SYT1: variants seen among roughly 807,000 people sequenced by gnomAD.
SYT1 encodes the protein synaptotagmin-1.
SYT1 carries 8 observed loss-of-function variants against 44.8 expected under a neutral mutation model. The observed-to-expected ratio is 0.18, with a 90% CI of 0.10 to 0.32. The LOEUF (loss-of-function observed/expected upper bound fraction) is 0.32. Ranked by LOEUF, SYT1 falls within the 10% of genes least tolerant of loss-of-function variation. The probability of loss-of-function intolerance (pLI) is 1.00; values close to 1 mark genes in which losing one functional copy is unlikely to be tolerated. For synonymous variants in SYT1, 154 were observed against 188.8 expected, an observed-to-expected ratio of 0.82 and a Z score of 1.51; for missense variants, 286 against 509.3, an observed-to-expected ratio of 0.56 and a Z score of 4.22.
chr12:79,293,478 T>C (rs1879736274), intron 6 of SYT1, among the ~76,000 whole-genome samples: 1 of 152,128 alleles, frequency 6.6e-6, no homozygotes, highest in South Asian at 2.1e-4. Flanking sequence ...TTCATTTTGC[T>C]TCTCTCATCT....
chr12:79,324,837 A>G (rs1194411423), intron 8 of SYT1, among the ~76,000 whole-genome samples: 1 of 152,236 alleles, frequency 6.6e-6, no homozygotes, highest in African/African-American at 2.4e-5. Flanking sequence ...AAATAAATAC[A>G]TAAAGACTTA....
intron 8 of SYT1, among the ~76,000 whole-genome samples, chr12:79,314,468 G>C (rs925152485): frequency 2.0e-5 from 3 of 152,270 alleles, no homozygotes; most frequent in African/African-American, 7.2e-5. Flanking sequence ...GTGCTACCAT[G>C]GTGTGACCTC....
At chr12:79,128,419 T>TGATA (rs1868581346) in intron 3 of SYT1, among the ~76,000 whole-genome samples, 1 of 151,844 alleles carries the variant, frequency 6.6e-6, no homozygotes, top group South Asian at 2.1e-4. Context: ...GATAGATAGA[T>TGATA]GATAGATAGA....
chr12:78,938,241 G>A (rs984125489), intron 1 of SYT1, among the ~76,000 whole-genome samples: 9 of 151,860 alleles, frequency 5.9e-5, no homozygotes, highest in African/African-American at 2.2e-4. Flanking sequence ...AGGAAAATAG[G>A]ACACAGAAAG....
chr12:79,052,403 CT>C (rs1874573712), intron 3 of SYT1, among the ~76,000 whole-genome samples: 1 of 152,080 alleles, frequency 6.6e-6, no homozygotes, highest in Non-Finnish European at 1.5e-5. Context: ...CATAAAAACC[CT>C]AGAAGAAAAC....
chr12:79,086,560 G>A (rs1395520589), intron 3 of SYT1, among the ~76,000 whole-genome samples: 8 of 152,046 alleles, frequency 5.3e-5, no homozygotes, highest in Non-Finnish European at 7.4e-5. Context: ...TCCTGGCTTC[G>A]CAGGATGTGA....
At chr12:78,866,869 T>A (rs1343580227) in intron 1 of SYT1, among the ~76,000 whole-genome samples, 1 of 152,082 alleles carries the variant, frequency 6.6e-6, no homozygotes, top group East Asian at 1.9e-4. Flanking sequence ...TCTCAGAGAG[T>A]ATTTTTTCAC....
At chr12:79,043,968 G>A (rs1873797067) in intron 2 of SYT1, among the ~76,000 whole-genome samples, 1 of 152,192 alleles carries the variant, frequency 6.6e-6, no homozygotes, top group African/African-American at 2.4e-5. Flanking sequence ...ACTCTCTTCT[G>A]GCTTGTAGGG....
intron 4 of SYT1, among the ~76,000 whole-genome samples, chr12:79,260,084 TA>T (rs1877747782): frequency 6.6e-6 from 1 of 152,214 alleles, no homozygotes; most frequent in South Asian, 2.1e-4. Flanking sequence ...AACTGGAGAG[TA>T]TTGTATTCTA....
intron 4 of SYT1, among the ~76,000 whole-genome samples, chr12:79,240,467 A>G (rs1876438203): frequency 6.6e-6 from 1 of 152,200 alleles, no homozygotes; most frequent in Non-Finnish European, 1.5e-5. Context: ...TTAGAGTCTG[A>G]GCATTGTTTA....
chr12:79,188,032 T>G (rs1325164515), intron 3 of SYT1, among the ~76,000 whole-genome samples: 2 of 152,182 alleles, frequency 1.3e-5, no homozygotes, highest in African/African-American at 4.8e-5. Context: ...CACACACATG[T>G]ACAGCACAGG....
At chr12:79,039,395 C>T (rs1387299791) in intron 2 of SYT1, among the ~76,000 whole-genome samples, 1 of 151,934 alleles carries the variant, frequency 6.6e-6, no homozygotes. Context: ...ATACCAATTA[C>T]ATTACTGAAA....
At chr12:78,918,588 G>A (rs1876802223) in intron 1 of SYT1, among the ~76,000 whole-genome samples, 1 of 152,040 alleles carries the variant, frequency 6.6e-6, no homozygotes, top group Non-Finnish European at 1.5e-5. Flanking sequence ...CAGCGCTCCT[G>A]AGCAGCGCAA....
intron 9 of SYT1, among the ~76,000 whole-genome samples, chr12:79,406,377 T>C (rs1309187291): frequency 1.3e-5 from 2 of 152,096 alleles, no homozygotes; most frequent in Non-Finnish European, 2.9e-5. Flanking sequence ...TTCCACCTTA[T>C]TCTATACACT....
chr12:79,121,658 A>C (rs2138135493), intron 3 of SYT1, among the ~76,000 whole-genome samples: 1 of 152,338 alleles, frequency 6.6e-6, no homozygotes, highest in East Asian at 1.9e-4. Flanking sequence ...GAGACAGCTA[A>C]CGAGCAATGA....
At chr12:79,097,603 A>G (rs1356923746) in intron 3 of SYT1, among the ~76,000 whole-genome samples, 1 of 151,968 alleles carries the variant, frequency 6.6e-6, no homozygotes, top group African/African-American at 2.4e-5. Flanking sequence ...AAGTCCCTCT[A>G]GAAAAACCAA....
At chr12:79,074,339 GC>G (rs1410295703) in intron 3 of SYT1, among the ~76,000 whole-genome samples, 1 of 152,014 alleles carries the variant, frequency 6.6e-6, no homozygotes, top group Admixed American at 6.6e-5. Context: ...GTACTGCCCT[GC>G]CAATTGTAAA....
At chr12:79,252,261 T>C (rs1341732724) in intron 4 of SYT1, among the ~76,000 whole-genome samples, 1 of 152,118 alleles carries the variant, frequency 6.6e-6, no homozygotes, top group Non-Finnish European at 1.5e-5. Context: ...ATTAAATGCA[T>C]TAATATTAAA....
chr12:78,871,940 A>T (rs944982869), intron 1 of SYT1, among the ~76,000 whole-genome samples: 2 of 151,838 alleles, frequency 1.3e-5, no homozygotes, highest in African/African-American at 4.8e-5. Flanking sequence ...AAGTTTTTAT[A>T]TTTAAATATG....
Sources: gnomAD v4.1 joint callset for allele counts (sites outside exome capture counted in the v4.1 genomes callset) on GRCh38, gnomAD v4.1.1 for gene constraint, MANE v1.5 for transcripts, NCBI Gene and HGNC (gene_info 2026-07-23, HGNC 2026-07-21) for gene names.